Variants in ATL1 observed in about 807,000 individuals in gnomAD.
The protein encoded by ATL1 is atlastin-1.
A neutral mutation model predicts 75.5 loss-of-function variants in ATL1; 31 were observed. The ratio of observed to expected loss-of-function variants is 0.41; its 90% confidence interval spans 0.31 to 0.55. The LOEUF is 0.55. ATL1 is among the 20% of genes least tolerant of loss of function. The pLI is 0.27. For synonymous variants in ATL1, 226 were observed against 233.3 expected (o/e 0.97, Z 0.28); for missense variants, 405 against 662.6 (o/e 0.61, Z 4.27).
chr14:50,574,937 GTATATATATATA>G lies in ATL1; in HGVS notation c.35-12866_35-12855del, dbSNP rs71118894. Reference sequence around the variant, plus strand: ...TGTGTGTGTGTGTGTGTGTGTGTGTGTATATATATATATATATATATATATATATATATATAT... The same window carrying G: ...TGTGTGTGTGTGTGTGTGTGTGTGTGTATATATATATATATATATATATAT... On this transcript the variant is annotated intron_variant, in intron 1 of 13. Transcript: ENST00000358385. Among the ~76,000 whole-genome samples, 85 of 23,162 alleles carry G rather than the reference GTATATATATATA, an allele frequency of 3.7e-3. 2 individuals carry two copies. The highest frequency in any genetic ancestry group is 0.016 in the Admixed American group (30 of 1,856). 15.2% of individuals were successfully genotyped at this position (23,162 alleles called of 152,430 possible). A position where few individuals can be genotyped will look rare whatever the true frequency, so the allele number is the denominator to read the frequency against.
At chr14:50,578,816 C>A (rs1195634074) in intron 1 of ATL1, among the ~76,000 whole-genome samples, 2 of 152,100 alleles carry the variant, frequency 1.3e-5, no homozygotes, top group Admixed American at 6.5e-5. Context: ...CAAATGAATT[C>A]TTTGAAATAG....
chr14:50,556,443 C>T (rs1227253950), upstream of ATL1, among the ~76,000 whole-genome samples: 1 of 152,034 alleles, frequency 6.6e-6, no homozygotes, highest in Non-Finnish European at 1.5e-5. Context: ...GTCTCGAACT[C>T]CTGGCCTCAA....
chr14:50,562,304 A>G (rs1267121281), intron 1 of ATL1, among the ~76,000 whole-genome samples: 2 of 152,156 alleles, frequency 1.3e-5, no homozygotes, highest in African/African-American at 4.8e-5. Flanking sequence ...TCGGCCTCCC[A>G]AAGTGCTGGG....
At chr14:50,619,252 G>T (rs1161560491) in intron 8 of ATL1, among the ~76,000 whole-genome samples, 1 of 152,108 alleles carries the variant, frequency 6.6e-6, no homozygotes, top group Non-Finnish European at 1.5e-5. Context: ...GTAGAGGTGG[G>T]GTTTCACCGT....
intron 5 of ATL1, among the ~76,000 whole-genome samples, chr14:50,594,602 C>T (rs2039194929): frequency 6.6e-6 from 1 of 152,104 alleles, no homozygotes; most frequent in Non-Finnish European, 1.5e-5. Flanking sequence ...TTACAACTGG[C>T]GACAGTACTG....
intron 10 of ATL1, 134 bp downstream of exon 10, chr14:50,622,033 TTA>T (rs2039471906): frequency 2.7e-6 from 2 of 733,286 alleles, no homozygotes; most frequent in Non-Finnish European, 4.9e-6. Context: ...CTTTACCTAT[TTA>T]TGTGTTCATC....
intron 1 of ATL1, among the ~76,000 whole-genome samples, chr14:50,552,649 C>T (rs2038716910): frequency 6.6e-6 from 1 of 152,280 alleles, no homozygotes; most frequent in African/African-American, 2.4e-5. Context: ...CAACGTGGTA[C>T]TGCTATAAAA....
chr14:50,632,159 CTA>C, intron 13 of ATL1, 68 bp from the exon 14 acceptor site: 7 of 1,124,248 alleles, frequency 6.2e-6, no homozygotes, highest in Non-Finnish European at 9.1e-6. Context: ...GTACGATAAA[CTA>C]AAAAGGAAAA....
At position 50,554,623 on chromosome 14, in the gene ATL1, T is replaced by C. The variant is rs146258810; in HGVS notation, c.-139-5504T>C. The stretch of plus-strand genomic sequence containing the variant: ...GAGCAGGTGTCCCTGAGAACCCAAA[T>C]ATCTCAGATGGTATCTGAGAACTTA... On this transcript the variant is annotated intron_variant, in intron 1 of 13. Transcript: ENST00000441560. Among the ~76,000 whole-genome samples the C allele has an allele frequency of 1.9e-3, 289 of 152,308 alleles. 1 individual carries two copies. The Middle Eastern group carries it at 0.037, about 20-fold the overall frequency.
At chr14:50,568,097 G>T (rs1298662354) in intron 1 of ATL1, among the ~76,000 whole-genome samples, 1 of 152,164 alleles carries the variant, frequency 6.6e-6, no homozygotes, top group Admixed American at 6.5e-5. Context: ...GGATATTGAA[G>T]TCTCCAACTG....
intron 12 of ATL1, among the ~76,000 whole-genome samples, chr14:50,628,767 A>G (rs1440512026): frequency 6.6e-6 from 1 of 152,032 alleles, no homozygotes; most frequent in Non-Finnish European, 1.5e-5. Flanking sequence ...TCTAGGCTGG[A>G]GTGCAGTGGC....
intron 1 of ATL1, among the ~76,000 whole-genome samples, chr14:50,582,375 AC>A (rs1270871603): frequency 6.6e-6 from 1 of 151,164 alleles, no homozygotes; most frequent in Non-Finnish European, 1.5e-5. Flanking sequence ...ATTTCAAAGA[AC>A]CGTTCACTCC....
At chr14:50,615,223 T>C (rs1289441663) in intron 8 of ATL1, among the ~76,000 whole-genome samples, 1 of 152,208 alleles carries the variant, frequency 6.6e-6, no homozygotes, top group Non-Finnish European at 1.5e-5. Context: ...TAGTACGACA[T>C]TGTTCAAAGA....
At chr14:50,542,602 A>G (rs1468941783) in intron 1 of ATL1, 1 of 152,230 alleles carries the variant, frequency 6.6e-6, no homozygotes, top group Non-Finnish European at 1.5e-5. Flanking sequence ...ACACAAGTAA[A>G]TCATATGGAA....
intron 5 of ATL1, 122 bp from the exon 6 acceptor site, chr14:50,595,454 G>C: frequency 1.2e-6 from 1 of 854,904 alleles, no homozygotes; most frequent in Non-Finnish European, 1.9e-6. Context: ...GTAATATTCT[G>C]TTATACCTAG....
chr14:50,583,601 G>A (rs2039075964), intron 1 of ATL1, among the ~76,000 whole-genome samples: 1 of 152,188 alleles, frequency 6.6e-6, no homozygotes, highest in South Asian at 2.1e-4. Context: ...TCATGTTAAT[G>A]TATTAGAAGA....
At chr14:50,549,641 G>A (rs1324211717) in intron 1 of ATL1, among the ~76,000 whole-genome samples, 5 of 152,152 alleles carry the variant, frequency 3.3e-5, no homozygotes, top group South Asian at 2.1e-4. Context: ...GGCATGCTAC[G>A]AAGAATATAT....
At chr14:50,575,622 T>G (rs1456409773) in intron 1 of ATL1, among the ~76,000 whole-genome samples, 1 of 152,166 alleles carries the variant, frequency 6.6e-6, no homozygotes, top group Non-Finnish European at 1.5e-5. Context: ...ATAAATAGTT[T>G]AAGAAAAAGT....
At chr14:50,580,938 A>G (rs936968959) in intron 1 of ATL1, among the ~76,000 whole-genome samples, 1 of 151,952 alleles carries the variant, frequency 6.6e-6, no homozygotes, top group African/African-American at 2.4e-5. Context: ...TGATACTTTT[A>G]ATTTGTTCAT....
Sources: gnomAD v4.1 joint callset for allele counts (sites outside exome capture counted in the v4.1 genomes callset) on GRCh38, gnomAD v4.1.1 for gene constraint, MANE v1.5 for transcripts, NCBI Gene and HGNC (gene_info 2026-07-23, HGNC 2026-07-21) for gene names.